MACF1: variants seen among roughly 807,000 people sequenced by gnomAD.
MACF1 encodes microtubule actin crosslinking factor 1, also known as microtubule-actin cross-linking factor 1.
MACF1 carries 193 observed loss-of-function variants against 854.8 expected under a neutral mutation model. The ratio of observed to expected loss-of-function variants is 0.23; its 90% CI spans 0.20 to 0.25. MACF1 has a LOEUF of 0.25. Ranked by LOEUF, MACF1 falls within the 10% of genes least tolerant of loss-of-function variation. The pLI is 1.00. For missense variants in MACF1, 7,722 were observed against 8,929.1 expected, an observed-to-expected ratio of 0.86 and a Z score of 5.45; for synonymous variants, 3,185 against 3,226.7, an observed-to-expected ratio of 0.99 and a Z score of 0.44.
intron 2 of MACF1, among the ~76,000 whole-genome samples, chr1:39,121,402 A>G (rs1642707015): frequency 6.6e-6 from 1 of 152,132 alleles, no homozygotes; most frequent in Non-Finnish European, 1.5e-5. Flanking sequence ...AAGCTAATAT[A>G]TATTGAGTCC....
intron 15 of MACF1, 37 bp from the exon 16 acceptor site, chr1:39,291,873 A>G (rs1645797173): frequency 1.9e-6 from 3 of 1,594,708 alleles, no homozygotes; most frequent in Non-Finnish European, 2.6e-6. Context: ...CCAAGCCAGC[A>G]GTAAATTATG....
At chr1:39,228,622 GA>G (rs1349142371) in intron 1 of MACF1, among the ~76,000 whole-genome samples, 3 of 152,194 alleles carry the variant, frequency 2.0e-5, no homozygotes, top group Non-Finnish European at 4.4e-5. Context: ...TCCATTAAGT[GA>G]AAGATGGATT....
At chr1:39,471,601 C>CA (rs1183217632) in intron 97 of MACF1, among the ~76,000 whole-genome samples, 1 of 152,082 alleles carries the variant, frequency 6.6e-6, no homozygotes, top group East Asian at 1.9e-4. Flanking sequence ...CTGGTACTGC[C>CA]AAAATCAGAT....
At chr1:39,406,649 C>T (rs369847400) in intron 58 of MACF1, among the ~76,000 whole-genome samples, 4 of 148,548 alleles carry the variant, frequency 2.7e-5, no homozygotes, top group Non-Finnish European at 5.9e-5. Flanking sequence ...GCAGGAGAAT[C>T]GCTTGAACCC....
At position 39,309,635 on chromosome 1, in the gene MACF1, T is replaced by C. The variant is rs781159794; in HGVS notation, c.2855T>C (p.Leu952Pro). Reference sequence around the variant, plus strand: ...CAGCTGCATGTTAACACCAAAAGCCTTATCTCTTGGAACTATCTGCGTAAA... The same window carrying C: ...CAGCTGCATGTTAACACCAAAAGCCCTATCTCTTGGAACTATCTGCGTAAA... ...WHQLHVNTKS[L>P]ISWNYLRKDL... Residue 952 changes from leucine (L) to proline (P), a missense_variant, in exon 24 of 101, where the codon CTT (leucine) becomes CCT (proline). Physicochemically the swap from Leu to Pro is moderately conservative, Grantham distance 98. Transcript: ENST00000564288. 6.2e-7 allele frequency: 1 copy of C among 1,614,102 alleles called. No individual in the cohort carries two copies. The highest frequency in any genetic ancestry group is 8.5e-7 in the Non-Finnish European group (1 of 1,179,918).
At chr1:39,346,521 C>CT (rs527394465) in intron 40 of MACF1, among the ~76,000 whole-genome samples, 8,532 of 137,974 alleles carry the variant, frequency 0.062, 385 homozygotes, top group African/African-American at 0.11. Flanking sequence ...GTGAGAGAGA[C>CT]TTTTTTTTTT....
rs113805312 is a variant in MACF1 at position 39,337,275 on chromosome 1, A to T, written c.10159A>T (p.Ile3387Phe). The T allele has an allele frequency of 3.1e-6, 5 of 1,614,132 alleles. No homozygotes were observed. The highest frequency in any genetic ancestry group is 3.4e-6 in the Non-Finnish European group (4 of 1,179,996). Residue 3387 changes from isoleucine (I) to phenylalanine (F), a missense_variant, in exon 38 of 101, where the codon ATT (isoleucine) becomes TTT (phenylalanine). Ile to Phe is a conservative substitution (Grantham distance 21, BLOSUM62 0). Coordinates refer to ENST00000564288, the MANE Select transcript of MACF1 (RefSeq NM_001394062.1). ...LRNIEMRTKQ[I>F]QPLELNLAEL... ...GAACATTGAAATGAGGACCAAACAG[A>T]TTCAACCTTTGGAGCTAAACCTGGC...
At chr1:39,238,464 G>A (rs1179868410) in intron 2 of MACF1, among the ~76,000 whole-genome samples, 1 of 152,242 alleles carries the variant, frequency 6.6e-6, no homozygotes, top group Non-Finnish European at 1.5e-5. Flanking sequence ...TTAGCTAAGA[G>A]TGGCCCCTGC....
intron 31 of MACF1, among the ~76,000 whole-genome samples, chr1:39,322,274 A>T (rs915139401): frequency 6.6e-6 from 1 of 152,194 alleles, no homozygotes; most frequent in Non-Finnish European, 1.5e-5. Context: ...CTGTTTTTGT[A>T]TGGCCCATGA....
intron 2 of MACF1, among the ~76,000 whole-genome samples, chr1:39,186,413 C>T (rs751982954): frequency 2.6e-5 from 4 of 151,344 alleles, no homozygotes; most frequent in Admixed American, 6.6e-5. Context: ...ATTACAGGCA[C>T]GCGCCACCAC....
intron 43 of MACF1, 97 bp from the exon 44 acceptor site, chr1:39,352,910 A>G (rs1351001030): frequency 2.8e-6 from 2 of 720,336 alleles, no homozygotes; most frequent in Non-Finnish European, 4.7e-6. Context: ...TAGAATTAGC[A>G]TAAAATTATC....
intron 97 of MACF1, among the ~76,000 whole-genome samples, chr1:39,478,343 C>T (rs1170633368): frequency 6.6e-6 from 1 of 152,092 alleles, no homozygotes; most frequent in East Asian, 1.9e-4. Context: ...GAAGGAAACA[C>T]TGGATCATGG....
intron 2 of MACF1, among the ~76,000 whole-genome samples, chr1:39,189,986 A>G (rs1338330716): frequency 6.6e-6 from 1 of 151,948 alleles, no homozygotes; most frequent in African/African-American, 2.4e-5. Context: ...CTAGAATGTG[A>G]ACTCATTTTA....
intron 70 of MACF1, among the ~76,000 whole-genome samples, chr1:39,437,149 A>G (rs1643996885): frequency 6.6e-6 from 1 of 151,870 alleles, no homozygotes. Context: ...CTTTTTTGTT[A>G]CATTAGTTGG....
Position 39,309,626 on chromosome 1 carries a change from C to T in MACF1, c.2846C>T (p.Thr949Ile). The T allele has an allele frequency of 6.2e-7, 1 of 1,614,170 alleles. No individual in the cohort carries two copies. Among genetic ancestry groups the T allele is most frequent in the Non-Finnish European group, 8.5e-7 (1 of 1,180,010 alleles). The stretch of plus-strand genomic sequence containing the variant: ...CTTTGGCATCAGCTGCATGTTAACA[C>T]CAAAAGCCTTATCTCTTGGAACTAT... ...MALWHQLHVN[T>I]KSLISWNYLR... The change falls in exon 24 of 101, where the codon ACC (threonine) becomes ATC (isoleucine). Residue 949 changes from threonine to isoleucine, a missense_variant. This residue lies in a region of MACF1 where 1,137 missense variants were observed against 1,263.0 expected (regional missense o/e 0.90). Transcript: ENST00000564288.
At chr1:39,476,442 G>A (rs982849633) in intron 97 of MACF1, among the ~76,000 whole-genome samples, 5 of 151,964 alleles carry the variant, frequency 3.3e-5, no homozygotes, top group Non-Finnish European at 7.4e-5. Context: ...TGGTGGCCAC[G>A]CGCCTGCAGT....
chr1:39,440,373 T>C (rs1383903760), intron 72 of MACF1, among the ~76,000 whole-genome samples: 1 of 152,154 alleles, frequency 6.6e-6, no homozygotes, highest in Non-Finnish European at 1.5e-5. Flanking sequence ...CCCAAAGTCC[T>C]GGGATTACAG....
chr1:39,285,543 T>A, intron 13 of MACF1, 61 bp from the exon 14 acceptor site: 2 of 1,541,902 alleles, frequency 1.3e-6, no homozygotes, highest in Non-Finnish European at 1.8e-6. Flanking sequence ...CTTGGCTCCC[T>A]CTGTCCTAGT....
chr1:39,099,898 A>C (rs1201008106), intron 2 of MACF1, among the ~76,000 whole-genome samples: 1 of 152,188 alleles, frequency 6.6e-6, no homozygotes, highest in African/African-American at 2.4e-5. Context: ...AGACCAACAT[A>C]GTGAGACCCT....
Sources: allele counts gnomAD v4.1 joint callset (sites outside exome capture counted in the v4.1 genomes callset), GRCh38; gene constraint gnomAD v4.1.1; regional missense constraint gnomAD v4.1.1; transcripts MANE v1.5; gene names NCBI Gene and HGNC (gene_info 2026-07-23, HGNC 2026-07-21).